The following CEP44 variants were observed in gnomAD, a reference collection of about 807,000 sequenced individuals.
CEP44 encodes the protein centrosomal protein of 44 kDa.
Under a neutral mutation model 46.7 loss-of-function variants are expected in CEP44, and 45 were observed. The observed-to-expected ratio is 0.96, with a 90% CI of 0.76 to 1.24. The LOEUF (loss-of-function observed/expected upper bound fraction) is 1.24. Among genes scored for constraint, CEP44 ranks in the 50% most tolerant of loss-of-function variants. The pLI is 0.00. For missense variants in CEP44, 475 were observed against 459.7 expected (o/e 1.03, Z -0.30); for synonymous variants, 142 against 146.0 (o/e 0.97, Z 0.20).
Position 174,317,370 on chromosome 4 carries a change from A to G in CEP44, c.1160A>G (p.Asn387Ser). 1 of 1,423,310 alleles carries G rather than the reference A, an allele frequency of 7.0e-7. No individual in the cohort carries two copies. Among genetic ancestry groups the G allele is most frequent in the Non-Finnish European group, 9.4e-7 (1 of 1,068,608 alleles). The allele number at this position is 1,423,310 out of a possible 1,614,324, so 88.2% of individuals were successfully genotyped here. ...EETAELLKCP[N>S]HYL ...ACTGCAGAGTTACTGAAATGTCCAA[A>G]TCACTACTTGTAGGATTTTCTACAT... The change falls in exon 12 of 12, where the codon AAT becomes AGT. Residue 387 changes from asparagine (N) to serine (S), a missense_variant. Coordinates refer to ENST00000503780, the MANE Select transcript of CEP44 (RefSeq NM_001040157.3).
Position 174,298,066 on chromosome 4 carries a change from G to A in CEP44, c.-51+4G>A, listed in dbSNP as rs1339890811. On this transcript the variant is annotated splice_donor_region_variant and intron_variant, in intron 2 of 11. Coordinates refer to ENST00000503780, the MANE Select transcript of CEP44 (RefSeq NM_001040157.3). ...TGGCTGGTCTGTGCTCTGCTAGGTT[G>A]GTTATCCCTTATTCATTTGCTTTTC... is the stretch of plus-strand genomic sequence containing the variant. 1 of 151,440 alleles carries A rather than the reference G, an allele frequency of 6.6e-6. No individual in the cohort carries two copies. The highest frequency in any genetic ancestry group is 2.4e-5 in the African/African-American group (1 of 41,146). The allele number at this position is 151,440 out of a possible 1,614,324, so 9.4% of individuals were successfully genotyped here. A position where few individuals can be genotyped will look rare whatever the true frequency, so the allele number is the denominator to read the frequency against.
rs1184837453 is a variant in CEP44, at chr4:174,286,842, T to C, written c.-148+2899T>C. On this transcript the variant is annotated intron_variant, in intron 1 of 11. Transcript: ENST00000503780. The surrounding 1 kb of genome is among the most constrained non-coding windows in gnomAD (Gnocchi z 5.2). ...TTTGGTTCACGTATGTGTTTTTCTGTTGTGTACATTCTTCAGAGTCATATT... is the reference window on the plus strand; with the variant it reads ...TTTGGTTCACGTATGTGTTTTTCTGCTGTGTACATTCTTCAGAGTCATATT... 2.0e-5 allele frequency among the ~76,000 whole-genome samples: 3 copies of C among 152,232 alleles called. No homozygotes were observed. The highest frequency in any genetic ancestry group is 4.4e-5 in the Non-Finnish European group (3 of 68,036).
At position 174,291,782 on chromosome 4, in the gene CEP44, C is replaced by CTTTTTTTTTTT. The variant is rs1208425482; in HGVS notation, c.-147-6180_-147-6179insTTTTTTTTTTT. Among the ~76,000 whole-genome samples the CTTTTTTTTTTT allele has an allele frequency of 4.5e-4, 37 of 81,622 alleles. 3 individuals carry two copies. Among genetic ancestry groups the CTTTTTTTTTTT allele is most frequent in the East Asian group, 1.7e-3 (6 of 3,436 alleles). 53.5% of individuals were successfully genotyped at this position (81,622 alleles called of 152,430 possible). A position where few individuals can be genotyped will look rare whatever the true frequency, so the allele number is the denominator to read the frequency against. On this transcript the variant is annotated intron_variant, in intron 1 of 11. Transcript: ENST00000503780. Reference sequence around the variant, plus strand: ...GTTTTCTTTATTCTTTTATCTTTTTCTTTTCTTTTTTTTTTTTTTTTTTTT... The same window carrying CTTTTTTTTTTT: ...GTTTTCTTTATTCTTTTATCTTTTTCTTTTTTTTTTTTTTTCTTTTTTTTTTTTTTTTTTTT...
chr4:174,289,407 A>G (rs1737917080), intron 1 of CEP44, among the ~76,000 whole-genome samples: 1 of 148,912 alleles, frequency 6.7e-6, no homozygotes, highest in African/African-American at 2.5e-5. Context: ...TTTTTTGATT[A>G]TTCCATCAAT....
In CEP44 at chr4:174,318,789, C is replaced by T. The variant is rs1742014314; in HGVS notation, c.*1406C>T. 4.2e-6 allele frequency: 3 copies of T among 719,864 alleles called. No individual in the cohort carries two copies. The highest frequency in any genetic ancestry group is 5.1e-6 in the Non-Finnish European group (3 of 589,912). The allele number at this position is 719,864 out of a possible 1,614,324, so 44.6% of individuals were successfully genotyped here. On this transcript the variant is annotated 3_prime_UTR_variant, in exon 12 of 12. Transcript: ENST00000503780. Reference sequence around the variant, plus strand: ...GTGTAAGAAATCACTTTTAAGAAAACATTTTTAGAATTCCTTTGTTTTTTT... The same window carrying T: ...GTGTAAGAAATCACTTTTAAGAAAATATTTTTAGAATTCCTTTGTTTTTTT...
rs930341439 is a variant in CEP44, at chr4:174,316,566, A to G, written c.1123A>G (p.Met375Val). 67 of 1,591,122 alleles carry G rather than the reference A, an allele frequency of 4.2e-5. No homozygotes were observed. The highest frequency in any genetic ancestry group is 5.5e-5 in the Non-Finnish European group (64 of 1,166,500). ...TIQKMERMKKMFEETAELLKC... is the reference protein window; with the variant it reads ...TIQKMERMKKVFEETAELLKC... Reference sequence around the variant, plus strand: ...CCAGAAAATGGAAAGGATGAAAAAAATGTAAGTAACAGAAAGGGGCAACAG... The same window carrying G: ...CCAGAAAATGGAAAGGATGAAAAAAGTGTAAGTAACAGAAAGGGGCAACAG... The change falls in exon 11 of 12, where the codon ATG becomes GTG. Residue 375 changes from methionine (M) to valine (V), a missense_variant and splice_region_variant. Transcript: ENST00000503780.
Position 174,331,333 on chromosome 4 carries a change from G to A in CEP44, c.1087-149G>A. 1 of 670,136 alleles carries A rather than the reference G, an allele frequency of 1.5e-6. No individual in the cohort carries two copies. The highest frequency in any genetic ancestry group is 3.0e-5 in the East Asian group (1 of 32,808). 41.5% of individuals were successfully genotyped at this position (670,136 alleles called of 1,614,324 possible). A position where few individuals can be genotyped will look rare whatever the true frequency, so the allele number is the denominator to read the frequency against. On this transcript the variant is annotated intron_variant, in intron 8 of 8. Coordinates refer to the CEP44 transcript ENST00000426172. The surrounding 1 kb of genome is among the most constrained non-coding windows in gnomAD (Gnocchi z 4.5). Reference sequence around the variant, plus strand: ...GATTGTCATTTCTCTTTGTTTGCTTGGTCTTCTTTAGGCATTATTTTCAGA... The same window carrying A: ...GATTGTCATTTCTCTTTGTTTGCTTAGTCTTCTTTAGGCATTATTTTCAGA...
chr4:174,300,721 C>T (rs1488496507), intron 3 of CEP44, among the ~76,000 whole-genome samples: 1 of 152,022 alleles, frequency 6.6e-6, no homozygotes, highest in East Asian at 1.9e-4. Flanking sequence ...CACAACACCC[C>T]CATCATTTTG....
Position 174,298,455 on chromosome 4 carries a change from G to A in CEP44, c.-51+393G>A, listed in dbSNP as rs566780514. On this transcript the variant is annotated intron_variant, in intron 2 of 11. Transcript: ENST00000503780. ...CTCCCAAAGTGCTGGGATTACAGGC[G>A]TGAGCCACCGCGCCCAGCCATGATT... 4.2e-4 allele frequency among the ~76,000 whole-genome samples: 64 copies of A among 152,242 alleles called. 1 individual carries two copies. The highest frequency in any genetic ancestry group is 8.2e-4 in the Non-Finnish European group (56 of 68,018).
intron 8 of CEP44, among the ~76,000 whole-genome samples, chr4:174,328,909 A>T (rs1451737402): frequency 2.0e-5 from 3 of 152,136 alleles, no homozygotes; most frequent in Non-Finnish European, 4.4e-5. Flanking sequence ...ATTAACATTT[A>T]AGATCAGTGT....
intron 1 of CEP44, among the ~76,000 whole-genome samples, chr4:174,294,649 C>G (rs1180937567): frequency 6.6e-6 from 1 of 150,684 alleles, no homozygotes; most frequent in South Asian, 2.1e-4. Context: ...ACCTCCCAGA[C>G]GGGGCGGCTG....
chr4:174,328,733 A>T (rs888853236), intron 8 of CEP44, among the ~76,000 whole-genome samples: 2 of 152,178 alleles, frequency 1.3e-5, no homozygotes, highest in African/African-American at 4.8e-5. Flanking sequence ...TAACCATAAC[A>T]CTTTGACATA....
chr4:174,319,602 TAC>T lies in CEP44; in HGVS notation c.*2221_*2222del, dbSNP rs1478244074. On this transcript the variant is annotated 3_prime_UTR_variant, in exon 12 of 12. Transcript: ENST00000503780. ...AACATTTCTAATCTCCTAGTTTATA[TAC>T]AGTGTGCAAAATATAAGTAAGTATA... 5 of 689,792 alleles carry T rather than the reference TAC, an allele frequency of 7.2e-6. No individual in the cohort carries two copies. The highest frequency in any genetic ancestry group is 8.9e-6 in the Non-Finnish European group (5 of 560,050). 42.7% of individuals were successfully genotyped at this position (689,792 alleles called of 1,614,324 possible).
chr4:174,302,334 T>C (rs961775873), intron 4 of CEP44, 148 bp downstream of exon 4: 13 of 564,108 alleles, frequency 2.3e-5, no homozygotes, highest in Admixed American at 3.9e-5. Context: ...GTAGTCTCTA[T>C]TGAAATCAAG....
chr4:174,309,783 G>T lies in CEP44; in HGVS notation c.679-67G>T. 1.9e-6 allele frequency: 2 copies of T among 1,079,910 alleles called. No homozygotes were observed. Among genetic ancestry groups the T allele is most frequent in the South Asian group, 2.9e-5 (2 of 69,348 alleles). The allele number at this position is 1,079,910 out of a possible 1,614,324, so 66.9% of individuals were successfully genotyped here. ...TGTTGAGATAACGCTGTGGAAGTGA[G>T]AATACATTAATTTTAAAGAAATTTC... On this transcript the variant is annotated intron_variant, in intron 7 of 11. Coordinates refer to ENST00000503780, the MANE Select transcript of CEP44 (RefSeq NM_001040157.3). The surrounding 1 kb of genome is among the most constrained non-coding windows in gnomAD (Gnocchi z 5.3).
chr4:174,329,501 G>GTAT lies in CEP44; in HGVS notation c.1087-1980_1087-1979insATT, dbSNP rs1242112241. Among the ~76,000 whole-genome samples the GTAT allele has an allele frequency of 6.6e-6, 1 of 152,114 alleles. No individual in the cohort carries two copies. The highest frequency in any genetic ancestry group is 6.6e-5 in the Admixed American group (1 of 15,260). The stretch of plus-strand genomic sequence containing the variant: ...TTGATATGCCTTCAAAGTTATAAAA[G>GTAT]TTATAAAGTTGTCAATGTTGAAATA... On this transcript the variant is annotated intron_variant, in intron 8 of 8. Coordinates refer to the CEP44 transcript ENST00000426172. The surrounding 1 kb of genome is among the most constrained non-coding windows in gnomAD (Gnocchi z 4.0).
At position 174,312,385 on chromosome 4, in the gene CEP44, G is replaced by A. The variant is rs1055133129; in HGVS notation, c.961+1527G>A. 1.3e-5 allele frequency among the ~76,000 whole-genome samples: 2 copies of A among 151,826 alleles called. No individual in the cohort carries two copies. Among genetic ancestry groups the A allele is most frequent in the Non-Finnish European group, 2.9e-5 (2 of 67,970 alleles). On this transcript the variant is annotated intron_variant, in intron 9 of 11. Transcript: ENST00000503780. This position sits in a 1 kb window ranked among gnomAD's most constrained non-coding sequence, Gnocchi z 4.5. ...CAGTCTCCTAGATGTTAACTCCTTG[G>A]CTTAAAGTGATCCTCCTTTCTCAGC...
chr4:174,306,391 A>G (rs1387824490), intron 6 of CEP44, among the ~76,000 whole-genome samples: 1 of 152,096 alleles, frequency 6.6e-6, no homozygotes, highest in Non-Finnish European at 1.5e-5. Flanking sequence ...ATAACTTTTT[A>G]TTATGGAACA....
At position 174,303,715 on chromosome 4, in the gene CEP44, C is replaced by T. The variant is rs1181780308; in HGVS notation, c.250C>T (p.Gln84Ter). Reference sequence around the variant, plus strand: ...GTTTCCTCTGCAGCTTCTTCGTGATCAATTTAATTATAAACCAATTTTGAC... The same window carrying T: ...GTTTCCTCTGCAGCTTCTTCGTGATTAATTTAATTATAAACCAATTTTGAC... Reference protein sequence around the residue: ...IDAVYKLLRDQFNYKPILTKK... With the variant: ...IDAVYKLLRD The change falls in exon 5 of 12, where the codon CAA (glutamine) becomes TAA (stop). Residue 84 changes from glutamine to a stop codon, truncating the protein, a stop_gained. Coordinates refer to ENST00000503780, the MANE Select transcript of CEP44 (RefSeq NM_001040157.3). LOFTEE classifies it high-confidence loss of function. 6.6e-7 allele frequency: 1 copy of T among 1,522,728 alleles called. No individual in the cohort carries two copies. Among genetic ancestry groups the T allele is most frequent in the East Asian group, 2.3e-5 (1 of 43,580 alleles). The allele number at this position is 1,522,728 out of a possible 1,614,324, so 94.3% of individuals were successfully genotyped here.
Sources: gnomAD v4.1 joint callset for allele counts (sites outside exome capture counted in the v4.1 genomes callset) on GRCh38, gnomAD v4.1.1 for gene constraint, Gnocchi (gnomAD v3.1) non-coding constraint, MANE v1.5 for transcripts, NCBI Gene and HGNC (gene_info 2026-07-23, HGNC 2026-07-21) for gene names.